The following ALDH1A2 variants were observed in gnomAD, a reference collection of about 807,000 sequenced individuals.
ALDH1A2 encodes the protein aldehyde dehydrogenase 1 family member A2.
A neutral mutation model predicts 60.3 loss-of-function variants in ALDH1A2; 27 were observed. The observed-to-expected ratio is 0.45, with a 90% CI of 0.33 to 0.62. The LOEUF is 0.62. Ranked by LOEUF, ALDH1A2 falls within the 20% of genes least tolerant of loss-of-function variation. The pLI is 0.02. For synonymous variants in ALDH1A2, 289 were observed against 232.4 expected (o/e 1.24, Z -2.21); for missense variants, 581 against 643.8 (o/e 0.90, Z 1.06).
At position 57,962,858 on chromosome 15, in the gene ALDH1A2, G is replaced by A. The variant is rs539060361; in HGVS notation, c.1087-682C>T. Among the ~76,000 whole-genome samples the A allele has an allele frequency of 2.0e-5, 3 of 152,276 alleles. No individual in the cohort carries two copies. The South Asian group carries it at 6.2e-4, about 32-fold the overall frequency. ...GAATAATCCCTAAACCCATGCTTTA[G>A]TGACCCATATAAGAGCTGGTCCAGG... is the stretch of plus-strand genomic sequence containing the variant. On this transcript the variant is annotated intron_variant, in intron 9 of 12. Coordinates refer to ENST00000249750, the MANE Select transcript of ALDH1A2 (RefSeq NM_003888.4).
At chr15:57,991,457 T>G (rs778042671) in intron 7 of ALDH1A2, 2 of 152,208 alleles carry the variant, frequency 1.3e-5, no homozygotes, top group Non-Finnish European at 2.9e-5. Context: ...TTTATTAAAT[T>G]TACTACTGTG....
At chr15:57,975,933 C>T (rs961620592) in intron 7 of ALDH1A2, among the ~76,000 whole-genome samples, 3 of 152,036 alleles carry the variant, frequency 2.0e-5, no homozygotes, top group African/African-American at 4.8e-5. Context: ...TAGATGGATA[C>T]ACATGGCCAA....
rs1228999095 is a variant in ALDH1A2 at position 57,961,309 on chromosome 15, T to C, written c.1252-15A>G. 6 of 1,612,934 alleles carry C rather than the reference T, an allele frequency of 3.7e-6. No homozygotes were observed. Among genetic ancestry groups the C allele is most frequent in the Non-Finnish European group, 4.2e-6 (5 of 1,179,912 alleles). On this transcript the variant is annotated splice_polypyrimidine_tract_variant and intron_variant, in intron 10 of 12. Transcript: ENST00000249750. Reference sequence around the variant, plus strand: ...GGGCCAAAGATCTGCAAAAAGATAATATGACTCAACATGGTTGCTCTGTCA... The same window carrying C: ...GGGCCAAAGATCTGCAAAAAGATAACATGACTCAACATGGTTGCTCTGTCA...
At chr15:58,035,008 G>A (rs181903850) in intron 1 of ALDH1A2, among the ~76,000 whole-genome samples, 1 of 151,586 alleles carries the variant, frequency 6.6e-6, no homozygotes, top group Non-Finnish European at 1.5e-5. Flanking sequence ...TGCTCCCTCT[G>A]CTTCAACTTT....
intron 1 of ALDH1A2, among the ~76,000 whole-genome samples, chr15:58,035,852 G>C (rs1170886922): frequency 1.3e-5 from 2 of 151,580 alleles, no homozygotes; most frequent in Admixed American, 6.6e-5. Flanking sequence ...AATGCTTTGT[G>C]AGAGCTTGAG....
intron 1 of ALDH1A2, among the ~76,000 whole-genome samples, chr15:58,020,214 T>C (rs1333975726): frequency 6.6e-6 from 1 of 152,230 alleles, no homozygotes; most frequent in African/African-American, 2.4e-5. Flanking sequence ...ACATTTTCTT[T>C]ATCCATTGAT....
At chr15:58,043,685 T>C (rs1028669480) in intron 1 of ALDH1A2, among the ~76,000 whole-genome samples, 1 of 151,980 alleles carries the variant, frequency 6.6e-6, no homozygotes, top group Non-Finnish European at 1.5e-5. Flanking sequence ...TTTAAACCTA[T>C]GCCAAGTCAT....
chr15:57,983,556 T>C (rs1422185934), intron 7 of ALDH1A2, among the ~76,000 whole-genome samples: 1 of 152,224 alleles, frequency 6.6e-6, no homozygotes, highest in African/African-American at 2.4e-5. Context: ...TAAAGTAGCT[T>C]TTCATTCAAA....
intron 7 of ALDH1A2, among the ~76,000 whole-genome samples, chr15:57,981,439 T>C (rs887165824): frequency 2.6e-5 from 4 of 152,178 alleles, no homozygotes; most frequent in African/African-American, 7.2e-5. Context: ...AATGTAGTTA[T>C]TGACAAATAT....
intron 1 of ALDH1A2, chr15:58,057,977 A>G (rs903690584): frequency 4.8e-6 from 5 of 1,034,480 alleles, no homozygotes; most frequent in Non-Finnish European, 6.6e-6. Context: ...CAATTATATT[A>G]TCAAACTGTA....
chr15:58,043,849 G>A (rs984322352), intron 1 of ALDH1A2, among the ~76,000 whole-genome samples: 3 of 151,778 alleles, frequency 2.0e-5, no homozygotes, highest in African/African-American at 7.3e-5. Context: ...TCTTTTTCTC[G>A]GTCTAAACAT....
intron 1 of ALDH1A2, among the ~76,000 whole-genome samples, chr15:58,048,549 G>T (rs937665965): frequency 3.9e-5 from 6 of 152,004 alleles, no homozygotes; most frequent in Non-Finnish European, 5.9e-5. Context: ...ATGGATGGGG[G>T]ATCTGCCCCT....
chr15:58,014,155 C>CT (rs1895721365), intron 2 of ALDH1A2, 22 bp downstream of exon 2: 1 of 1,613,984 alleles, frequency 6.2e-7, no homozygotes, highest in Non-Finnish European at 8.5e-7. Context: ...CATAGGAAAT[C>CT]TTTTATCTAC....
intron 1 of ALDH1A2, among the ~76,000 whole-genome samples, chr15:58,042,609 G>C (rs748158251): frequency 2.6e-5 from 4 of 151,886 alleles, no homozygotes; most frequent in Non-Finnish European, 5.9e-5. Flanking sequence ...TCCCAGAAAA[G>C]CTGTCTCTCA....
intron 7 of ALDH1A2, among the ~76,000 whole-genome samples, chr15:57,977,901 G>C (rs1894321646): frequency 1.3e-5 from 2 of 152,190 alleles, no homozygotes; most frequent in African/African-American, 4.8e-5. Context: ...TCTCCTTGAA[G>C]AGGTCCTTCC....
At chr15:57,965,476 A>G (rs916934405) in intron 8 of ALDH1A2, among the ~76,000 whole-genome samples, 3 of 152,214 alleles carry the variant, frequency 2.0e-5, no homozygotes, top group African/African-American at 7.2e-5. Context: ...CCAAGCCTTC[A>G]TCTCATCCCC....
chr15:58,021,510 T>C (rs1437096589), intron 1 of ALDH1A2, among the ~76,000 whole-genome samples: 1 of 152,120 alleles, frequency 6.6e-6, no homozygotes, highest in Non-Finnish European at 1.5e-5. Flanking sequence ...TTCTGGCCAC[T>C]TGAAAAGCCC....
rs780644525 is a variant in ALDH1A2, at chr15:57,962,014, C to A, written c.1249G>T (p.Glu417Ter). Reference sequence around the variant, plus strand: ...TGTAAGAACAGCATATTTGATACCTCCTCCTTGGCAATCCGCATATCATCA... The same window carrying A: ...TGTAAGAACAGCATATTTGATACCTACTCCTTGGCAATCCGCATATCATCA... ...VTDDMRIAKE[E>*]IFGPVQEILR... Residue 417 changes from glutamate (E) to a stop codon, truncating the protein, a stop_gained and splice_region_variant, in exon 10 of 13, where the codon GAG becomes TAG. Transcript: ENST00000249750. LOFTEE classifies it high-confidence loss of function. 1 of 1,614,038 alleles carries A rather than the reference C, an allele frequency of 6.2e-7. No homozygotes were observed. The highest frequency in any genetic ancestry group is 1.3e-5 in the African/African-American group (1 of 74,926).
intron 4 of ALDH1A2, among the ~76,000 whole-genome samples, chr15:58,003,830 C>T (rs1292848178): frequency 6.6e-6 from 1 of 151,814 alleles, no homozygotes; most frequent in African/African-American, 2.4e-5. Context: ...TTCCATAGGT[C>T]ATAGTAATGA....
Sources: gnomAD v4.1 joint callset for allele counts (sites outside exome capture counted in the v4.1 genomes callset) on GRCh38, gnomAD v4.1.1 for gene constraint, MANE v1.5 for transcripts, NCBI Gene and HGNC (gene_info 2026-07-23, HGNC 2026-07-21) for gene names.